The following CCNY variants were observed in gnomAD, a reference collection of about 807,000 sequenced individuals.
The protein encoded by CCNY is cyclin Y.
In CCNY, 19 loss-of-function variants were observed where a neutral mutation model predicts 42.8. The ratio of observed to expected loss-of-function variants is 0.44; its 90% CI spans 0.31 to 0.65. CCNY has a LOEUF of 0.65. CCNY is among the 30% of genes least tolerant of loss of function. CCNY has a pLI of 0.07. For synonymous variants in CCNY, 165 were observed against 162.7 expected (o/e 1.01, Z -0.11); for missense variants, 370 against 437.3 (o/e 0.85, Z 1.37).
intron 3 of CCNY, among the ~76,000 whole-genome samples, chr10:35,278,652 C>A (rs139363971): frequency 6.6e-6 from 1 of 152,126 alleles, no homozygotes; most frequent in Non-Finnish European, 1.5e-5. Flanking sequence ...AAGCTTTAGG[C>A]AATTCTATAG....
rs751172948 is a variant in CCNY at position 35,346,193 on chromosome 10, CTGT to C, written c.154+8991_154+8993del. Reference sequence around the variant, plus strand: ...GCGTTCCTCAGCAGGTTATTAGGGGCTGTTGTTCTCATTTCTTTTAGGAAAGGA... The same window carrying C: ...GCGTTCCTCAGCAGGTTATTAGGGGCTGTTCTCATTTCTTTTAGGAAAGGA... On this transcript the variant is annotated intron_variant, in intron 1 of 9. Transcript: ENST00000374704. Among the ~76,000 whole-genome samples, 10 of 152,282 alleles carry C rather than the reference CTGT, an allele frequency of 6.6e-5. No homozygotes were observed. In the East Asian group the frequency reaches 9.6e-4, roughly 15 times the overall value.
At chr10:35,426,100 G>A (rs1001797130) in intron 1 of CCNY, among the ~76,000 whole-genome samples, 2 of 125,388 alleles carry the variant, frequency 1.6e-5, no homozygotes, top group African/African-American at 3.2e-5. Flanking sequence ...CCCTTCACTG[G>A]TCCAGCACGC....
Position 35,516,597 on chromosome 10 carries a change from A to G in CCNY, c.339A>G (p.Gln113=), listed in dbSNP as rs770367690. The change falls in exon 4 of 10, where the codon CAA becomes CAG. Residue 113 remains glutamine, a synonymous_variant. Coordinates refer to ENST00000374704, the MANE Select transcript of CCNY (RefSeq NM_145012.6). ...TIFLDDSTVS[Q]PNLKYTIKCV... Reference sequence around the variant, plus strand: ...TCCTAGATGATAGCACAGTCAGTCAACCAAACCTCAAGTATACAATTAAAT... The same window carrying G: ...TCCTAGATGATAGCACAGTCAGTCAGCCAAACCTCAAGTATACAATTAAAT... The G allele has an allele frequency of 1.2e-6, 2 of 1,609,624 alleles. No homozygotes were observed. The highest frequency in any genetic ancestry group is 2.2e-5 in the East Asian group (1 of 44,794).
At chr10:35,546,485 G>A (rs921544512) in intron 7 of CCNY, among the ~76,000 whole-genome samples, 2 of 152,216 alleles carry the variant, frequency 1.3e-5, no homozygotes, top group South Asian at 2.1e-4. Context: ...AGCAATGGTC[G>A]TGGGATATTG....
chr10:35,252,195 A>G (rs1588999116), intron 3 of CCNY, among the ~76,000 whole-genome samples: 1 of 152,146 alleles, frequency 6.6e-6, no homozygotes, highest in South Asian at 2.1e-4. Context: ...ACACATTACT[A>G]CACTGCAGAT....
intron 1 of CCNY, among the ~76,000 whole-genome samples, chr10:35,428,008 T>C (rs569287976): frequency 1.3e-5 from 2 of 152,312 alleles, no homozygotes; most frequent in East Asian, 1.9e-4. Context: ...GGAAAGTAAA[T>C]TGGACCGACT....
intron 8 of CCNY, among the ~76,000 whole-genome samples, chr10:35,563,563 A>G (rs753240592): frequency 1.3e-5 from 2 of 152,216 alleles, no homozygotes; most frequent in Non-Finnish European, 2.9e-5. Flanking sequence ...TGGCCTTAGC[A>G]GGGCCTCTGA....
In CCNY at chr10:35,569,386, G is replaced by A. The variant is rs1841640653; in HGVS notation, c.*216G>A. ...CTCGCTCTCCCCACTGTCAGCAACAGCACTTCCTTCGTGGAGGAAGTGGAC... is the reference window on the plus strand; with the variant it reads ...CTCGCTCTCCCCACTGTCAGCAACAACACTTCCTTCGTGGAGGAAGTGGAC... On this transcript the variant is annotated 3_prime_UTR_variant, in exon 10 of 10. Transcript: ENST00000374704. 1 of 560,246 alleles carries A rather than the reference G, an allele frequency of 1.8e-6. No individual in the cohort carries two copies. The highest frequency in any genetic ancestry group is 3.2e-6 in the Non-Finnish European group (1 of 312,706). 34.7% of individuals were successfully genotyped at this position (560,246 alleles called of 1,614,324 possible).
chr10:35,379,153 A>G (rs1837120897), intron 1 of CCNY, among the ~76,000 whole-genome samples: 1 of 152,234 alleles, frequency 6.6e-6, no homozygotes, highest in African/African-American at 2.4e-5. Context: ...GAAAAGGTGA[A>G]TTATTCACAT....
At chr10:35,557,115 T>C (rs1485928177) in intron 8 of CCNY, among the ~76,000 whole-genome samples, 1 of 152,116 alleles carries the variant, frequency 6.6e-6, no homozygotes, top group Non-Finnish European at 1.5e-5. Context: ...ATTTGAAAAT[T>C]TTTATCCCAA....
chr10:35,371,878 A>G (rs1462108415), intron 1 of CCNY, among the ~76,000 whole-genome samples: 2 of 152,262 alleles, frequency 1.3e-5, no homozygotes, highest in Non-Finnish European at 2.9e-5. Flanking sequence ...AAGCAAGTCC[A>G]TGAAGACTGA....
At chr10:35,506,590 C>G (rs1174974350) in intron 3 of CCNY, among the ~76,000 whole-genome samples, 1 of 152,106 alleles carries the variant, frequency 6.6e-6, no homozygotes, top group East Asian at 1.9e-4. Context: ...TGCTGTCACT[C>G]TTGTAATGAG....
At chr10:35,389,775 C>G (rs1470760097) in intron 1 of CCNY, among the ~76,000 whole-genome samples, 1 of 152,104 alleles carries the variant, frequency 6.6e-6, no homozygotes, top group African/African-American at 2.4e-5. Flanking sequence ...ACTCAAAAAC[C>G]CTTTTATGTT....
chr10:35,511,258 A>G (rs191455338), intron 3 of CCNY, among the ~76,000 whole-genome samples: 12 of 152,326 alleles, frequency 7.9e-5, no homozygotes, highest in South Asian at 4.1e-4. Context: ...TGCTGATTCA[A>G]GAAAATACCA....
intron 1 of CCNY, among the ~76,000 whole-genome samples, chr10:35,439,238 A>T (rs572248611): frequency 6.6e-6 from 1 of 152,124 alleles, no homozygotes; most frequent in South Asian, 2.1e-4. Context: ...TGATGATGAG[A>T]ATGTTAGTTC....
intron 2 of CCNY, among the ~76,000 whole-genome samples, chr10:35,485,035 C>A (rs1162003508): frequency 1.3e-5 from 2 of 152,248 alleles, no homozygotes; most frequent in African/African-American, 4.8e-5. Flanking sequence ...GCATCAATTA[C>A]TCTGACCCCT....
intron 1 of CCNY, among the ~76,000 whole-genome samples, chr10:35,364,736 A>G (rs1462266979): frequency 1.3e-5 from 2 of 151,968 alleles, no homozygotes; most frequent in Admixed American, 6.6e-5. Flanking sequence ...TTTTTTTCAG[A>G]AGTTTGAGTT....
intron 3 of CCNY, among the ~76,000 whole-genome samples, chr10:35,506,292 C>T (rs1344821303): frequency 6.6e-6 from 1 of 152,184 alleles, no homozygotes; most frequent in African/African-American, 2.4e-5. Flanking sequence ...ACAGGATTTT[C>T]ATGTGACTAA....
chr10:35,371,620 G>C (rs566600043), intron 1 of CCNY, among the ~76,000 whole-genome samples: 1 of 152,126 alleles, frequency 6.6e-6, no homozygotes, highest in Non-Finnish European at 1.5e-5. Context: ...CAGTTTTAAC[G>C]TGAGGCCTCA....
Sources: allele counts gnomAD v4.1 joint callset (sites outside exome capture counted in the v4.1 genomes callset), GRCh38; gene constraint gnomAD v4.1.1; transcripts MANE v1.5; gene names NCBI Gene and HGNC (gene_info 2026-07-23, HGNC 2026-07-21).